Variants in NFIB observed in about 807,000 individuals in gnomAD.
NFIB encodes the protein nuclear factor 1 B-type.
A neutral mutation model predicts 61.5 loss-of-function variants in NFIB; 11 were observed. That is an observed-to-expected ratio of 0.18 (90% confidence interval 0.11 to 0.30). NFIB has a LOEUF of 0.30. NFIB is among the 10% of genes least tolerant of loss of function. The pLI, the probability that NFIB is intolerant of heterozygous loss-of-function variation, is 1.00. For missense variants in NFIB, 471 were observed against 608.9 expected (o/e 0.77, Z 2.38); for synonymous variants, 260 against 216.5 (o/e 1.20, Z -1.76).
the NFIB span, among the ~76,000 whole-genome samples, chr9:14,451,672 G>T: frequency 1.3e-5 from 2 of 152,166 alleles, no homozygotes; most frequent in East Asian, 3.8e-4. Context: ...GAGCTTGCTT[G>T]TATAATATGA....
At chr9:14,521,069 C>G in the NFIB span, among the ~76,000 whole-genome samples, 1 of 152,118 alleles carries the variant, frequency 6.6e-6, no homozygotes, top group Non-Finnish European at 1.5e-5. Context: ...AGCAATGACA[C>G]CCTATTCACA....
the NFIB span, among the ~76,000 whole-genome samples, chr9:14,428,267 C>G: frequency 1.3e-5 from 2 of 152,132 alleles, no homozygotes; most frequent in East Asian, 3.9e-4. Context: ...TTAAGGAAAA[C>G]ATCTTGTTAA....
At position 14,120,349 on chromosome 9, in the gene NFIB, C is replaced by A. The variant is rs1335024766; in HGVS notation, c.1245+91G>T. On this transcript the variant is annotated intron_variant, in intron 8 of 10. Coordinates refer to ENST00000380953, the MANE Select transcript of NFIB (RefSeq NM_001190737.2). The surrounding 1 kb of genome is among the most constrained non-coding windows in gnomAD (Gnocchi z 4.4). ...TGGATTTCAAGGCTTGACGTTCTGC[C>A]AGACACACTGTCTGACTAACCTTTG... 19 of 1,368,676 alleles carry A rather than the reference C, an allele frequency of 1.4e-5. No homozygotes were observed. The highest frequency in any genetic ancestry group is 2.0e-5 in the Non-Finnish European group (19 of 961,666). The allele number at this position is 1,368,676 out of a possible 1,614,324, so 84.8% of individuals were successfully genotyped here.
the NFIB span, among the ~76,000 whole-genome samples, chr9:14,434,591 T>C: frequency 2.6e-5 from 4 of 152,192 alleles, no homozygotes; most frequent in Non-Finnish European, 5.9e-5. Context: ...TCCTTGAAGC[T>C]AGTTTTCTCC....
rs370651442 is a variant in NFIB, at chr9:14,193,175, T to TC, written c.563-13396dup. On this transcript the variant is annotated intron_variant, in intron 2 of 10. Coordinates refer to ENST00000380953, the MANE Select transcript of NFIB (RefSeq NM_001190737.2). ...CTCAATGCCATGTTCTAAATATATC[T>TC]CTTCCAGGAGGTCTTCTGATAATCC... Among the ~76,000 whole-genome samples the TC allele has an allele frequency of 4.3e-3, 659 of 151,522 alleles. 5 individuals are homozygous for TC. Among genetic ancestry groups the TC allele is most frequent in the African/African-American group, 9.6e-3 (397 of 41,250 alleles).
chr9:14,465,742 CCTT>C, the NFIB span, among the ~76,000 whole-genome samples: 1 of 152,070 alleles, frequency 6.6e-6, no homozygotes, highest in Admixed American at 6.5e-5. Flanking sequence ...GGAGACATGT[CCTT>C]CTGCCACTCT....
At chr9:14,110,704 G>A (rs1319280707) in intron 10 of NFIB, among the ~76,000 whole-genome samples, 1 of 151,890 alleles carries the variant, frequency 6.6e-6, no homozygotes, top group Non-Finnish European at 1.5e-5. Flanking sequence ...TTTATTCCTG[G>A]ATAGTAAACA....
intron 10 of NFIB, among the ~76,000 whole-genome samples, chr9:14,089,196 C>T (rs2033416474): frequency 6.6e-6 from 1 of 152,084 alleles, no homozygotes; most frequent in South Asian, 2.1e-4. Context: ...TGAGCATTTC[C>T]TGCTCCTCCC....
At chr9:14,260,134 G>GAGA (rs2056613900) in intron 2 of NFIB, among the ~76,000 whole-genome samples, 1 of 152,176 alleles carries the variant, frequency 6.6e-6, no homozygotes, top group Non-Finnish European at 1.5e-5. Context: ...AGAACACGTA[G>GAGA]AGAAGAGTCC....
At chr9:14,287,330 C>G (rs975346299) in intron 2 of NFIB, among the ~76,000 whole-genome samples, 1 of 129,368 alleles carries the variant, frequency 7.7e-6, no homozygotes, top group Admixed American at 7.9e-5. Flanking sequence ...ACTAGGGAGG[C>G]TGAGGCAGGA....
intron 1 of NFIB, among the ~76,000 whole-genome samples, chr9:14,391,463 A>G (rs1052172041): frequency 1.6e-5 from 1 of 61,494 alleles, no homozygotes; most frequent in Non-Finnish European, 3.5e-5. Context: ...GTCTCCCAAT[A>G]GATAGGAAGG....
chr9:14,336,696 C>A (rs918878695), intron 1 of NFIB, among the ~76,000 whole-genome samples: 1 of 152,210 alleles, frequency 6.6e-6, no homozygotes, highest in Non-Finnish European at 1.5e-5. Context: ...GCTTAGAAAG[C>A]TCCTGTGCTT....
intron 1 of NFIB, among the ~76,000 whole-genome samples, chr9:14,370,368 C>T (rs1365214897): frequency 6.6e-6 from 1 of 152,198 alleles, no homozygotes; most frequent in Non-Finnish European, 1.5e-5. Flanking sequence ...CCAACCCCAA[C>T]ACAAGGGTAG....
At chr9:14,415,606 C>G in the NFIB span, among the ~76,000 whole-genome samples, 1 of 152,080 alleles carries the variant, frequency 6.6e-6, no homozygotes, top group African/African-American at 2.4e-5. Context: ...CTGTTCTAGC[C>G]CAAGAGGTCT....
chr9:14,531,984 T>A, the NFIB span: 1 of 152,730 alleles, frequency 6.5e-6, no homozygotes, highest in East Asian at 1.9e-4. Context: ...ATAACATAGC[T>A]GCCATTTTAT....
chr9:14,091,760 T>C (rs1238881547), intron 10 of NFIB, among the ~76,000 whole-genome samples: 2 of 151,816 alleles, frequency 1.3e-5, no homozygotes, highest in Non-Finnish European at 2.9e-5. Flanking sequence ...ATAAAGTAGA[T>C]ATAACCATTT....
the NFIB span, among the ~76,000 whole-genome samples, chr9:14,470,547 A>G: frequency 2.0e-5 from 3 of 152,114 alleles, no homozygotes; most frequent in African/African-American, 7.2e-5. Context: ...ACTAATTAAC[A>G]ATGGTGGGAG....
chr9:14,112,812 G>C (rs909180614), intron 10 of NFIB, among the ~76,000 whole-genome samples, 187 bp downstream of exon 10: 1 of 152,164 alleles, frequency 6.6e-6, no homozygotes, highest in African/African-American at 2.4e-5. Context: ...GAGCCAATTT[G>C]AGAAACTCTA....
intron 2 of NFIB, among the ~76,000 whole-genome samples, chr9:14,230,358 T>A (rs758585872): frequency 2.0e-5 from 3 of 152,162 alleles, no homozygotes; most frequent in Admixed American, 1.3e-4. Context: ...CCAATGGGTA[T>A]TAACAAATAT....
Sources: gnomAD v4.1 joint callset for allele counts (sites outside exome capture counted in the v4.1 genomes callset) on GRCh38, gnomAD v4.1.1 for gene constraint, Gnocchi (gnomAD v3.1) non-coding constraint, MANE v1.5 for transcripts, NCBI Gene and HGNC (gene_info 2026-07-23, HGNC 2026-07-21) for gene names.